The following PCDHGB1 variants were observed in gnomAD, a reference collection of about 807,000 sequenced individuals.
PCDHGB1 encodes protocadherin gamma-B1.
Under a neutral mutation model 56.6 loss-of-function variants are expected in PCDHGB1, and 34 were observed. The observed-to-expected ratio is 0.60, with a 90% confidence interval of 0.46 to 0.80. The LOEUF (loss-of-function observed/expected upper bound fraction) is 0.80, where lower values mean the gene tolerates loss of function less well. Ranked by LOEUF, PCDHGB1 falls within the 30% of genes least tolerant of loss-of-function variation. The probability of loss-of-function intolerance (pLI) is 0.00; values close to 1 mark genes in which losing one functional copy is unlikely to be tolerated. For synonymous variants in PCDHGB1, 561 were observed against 505.9 expected (o/e 1.11, Z -1.46); for missense variants, 1,278 against 1,204.6 (o/e 1.06, Z -0.90).
intron 1 of PCDHGB1, chr5:141,416,166 T>C (rs2096001393): frequency 6.5e-6 from 1 of 152,744 alleles, no homozygotes; most frequent in Admixed American, 6.5e-5. Flanking sequence ...CAGTTGAATA[T>C]ACTAAGTTTT....
In PCDHGB1 at chr5:141,477,670, A is replaced by G; in HGVS notation, c.2410-17137A>G. 1 of 1,614,198 alleles carries G rather than the reference A, an allele frequency of 6.2e-7. No individual in the cohort carries two copies. The highest frequency in any genetic ancestry group is 1.7e-5 in the Admixed American group (1 of 60,028). ...TCACAATAAATCGTGACAATGGCAT[A>G]GTGTCATCCTTAGTGCCCCTAGACT... On this transcript the variant is annotated intron_variant, in intron 1 of 3. Coordinates refer to ENST00000523390, the MANE Select transcript of PCDHGB1 (RefSeq NM_018922.3). This position sits in a 1 kb window ranked among gnomAD's most constrained non-coding sequence, Gnocchi z 4.9.
In PCDHGB1 at chr5:141,486,440, A is replaced by G; in HGVS notation, c.2410-8367A>G. 6.2e-7 allele frequency: 1 copy of G among 1,614,114 alleles called. No individual in the cohort carries two copies. The highest frequency in any genetic ancestry group is 8.5e-7 in the Non-Finnish European group (1 of 1,179,936). On this transcript the variant is annotated intron_variant, in intron 1 of 3. Coordinates refer to ENST00000523390, the MANE Select transcript of PCDHGB1 (RefSeq NM_018922.3). This position sits in a 1 kb window ranked among gnomAD's most constrained non-coding sequence, Gnocchi z 5.0. ...TCGAGAGGCCAAATCTAGCTATGACATCATGGTCACTGCTTCTGATGCTGG... is the reference window on the plus strand; with the variant it reads ...TCGAGAGGCCAAATCTAGCTATGACGTCATGGTCACTGCTTCTGATGCTGG...
rs115340023 is a variant in PCDHGB1 at position 141,387,818 on chromosome 5, G to T, written c.2409+35149G>T. 2,906 of 1,551,554 alleles carry T rather than the reference G, an allele frequency of 1.9e-3. 45 individuals carry two copies. The African/African-American group carries it at 0.028, about 15-fold the overall frequency. ...AGTCCGTTCGGAGATCCAAAAATCT[G>T]CAATACAGAGGTTATTTGTAACCCG... On this transcript the variant is annotated intron_variant, in intron 1 of 3. Transcript: ENST00000523390.
chr5:141,491,549 A>T lies in PCDHGB1; in HGVS notation c.2410-3258A>T, dbSNP rs748281587. 18 of 1,613,860 alleles carry T rather than the reference A, an allele frequency of 1.1e-5. No homozygotes were observed. In the East Asian group the frequency reaches 3.8e-4, roughly 34 times the overall value. On this transcript the variant is annotated intron_variant, in intron 1 of 3. Coordinates refer to ENST00000523390, the MANE Select transcript of PCDHGB1 (RefSeq NM_018922.3). This position sits in a 1 kb window ranked among gnomAD's most constrained non-coding sequence, Gnocchi z 6.9. Reference sequence around the variant, plus strand: ...GTGACGCTGCGGCCCACAGACTCGCAGAGCCACTGCTACAGGACGTGCTTT... The same window carrying T: ...GTGACGCTGCGGCCCACAGACTCGCTGAGCCACTGCTACAGGACGTGCTTT...
At chr5:141,458,064 C>G (rs886724551) in intron 1 of PCDHGB1, among the ~76,000 whole-genome samples, 1 of 152,104 alleles carries the variant, frequency 6.6e-6, no homozygotes, top group Admixed American at 6.6e-5. Flanking sequence ...TGCACTGATG[C>G]GAACAACTAT....
chr5:141,428,361 C>G, intron 1 of PCDHGB1: 2 of 556,764 alleles, frequency 3.6e-6, no homozygotes, highest in Non-Finnish European at 6.6e-6. Context: ...TTTTGGCGGT[C>G]GCCTTGCACC....
Position 141,476,819 on chromosome 5 carries a change from C to T in PCDHGB1, c.2410-17988C>T. ...CAGCCTGCCTATTCACATCAAGGTGCTGGACGCGAATGACAATGCGCCTGT... is the reference window on the plus strand; with the variant it reads ...CAGCCTGCCTATTCACATCAAGGTGTTGGACGCGAATGACAATGCGCCTGT... On this transcript the variant is annotated intron_variant, in intron 1 of 3. Coordinates refer to ENST00000523390, the MANE Select transcript of PCDHGB1 (RefSeq NM_018922.3). The surrounding 1 kb of genome is among the most constrained non-coding windows in gnomAD (Gnocchi z 7.6). 6.2e-7 allele frequency: 1 copy of T among 1,613,524 alleles called. No homozygotes were observed. The highest frequency in any genetic ancestry group is 8.5e-7 in the Non-Finnish European group (1 of 1,180,036).
intron 1 of PCDHGB1, chr5:141,364,349 G>T (rs758855393): frequency 6.5e-6 from 10 of 1,549,456 alleles, no homozygotes; most frequent in Middle Eastern, 1.7e-4. Context: ...TCCACCTAGG[G>T]GCTGGGGCTG....
rs200964276 is a variant in PCDHGB1 at position 141,371,678 on chromosome 5, C to G, written c.2409+19009C>G. The G allele has an allele frequency of 1.6e-3, 2,661 of 1,614,038 alleles. 3 individuals carry two copies. Among genetic ancestry groups the G allele is most frequent in the Non-Finnish European group, 2.1e-3 (2,441 of 1,179,894 alleles). On this transcript the variant is annotated intron_variant, in intron 1 of 3. Coordinates refer to ENST00000523390, the MANE Select transcript of PCDHGB1 (RefSeq NM_018922.3). ...TGACGATCACAGCTACCGACAAAGG[C>G]AATCCACCGCTCTCCTCCAGCAAGA...
chr5:141,370,473 C>T (rs1248894639), intron 1 of PCDHGB1: 2 of 1,613,496 alleles, frequency 1.2e-6, no homozygotes, highest in Non-Finnish European at 1.7e-6. Flanking sequence ...TTTGTTAGAC[C>T]AGGCTCTCTC....
chr5:141,430,509 G>T, intron 1 of PCDHGB1: 1 of 328,564 alleles, frequency 3.0e-6, no homozygotes. Flanking sequence ...GGGAGTTCAA[G>T]ATTGTGCAGT....
intron 1 of PCDHGB1, chr5:141,398,054 A>C: frequency 1.3e-6 from 2 of 1,519,030 alleles, no homozygotes; most frequent in Non-Finnish European, 1.8e-6. Context: ...CGGAGATCCA[A>C]AAATCTACAA....
At chr5:141,361,098 A>G (rs1345076438) in intron 1 of PCDHGB1, 1 of 1,614,016 alleles carries the variant, frequency 6.2e-7, no homozygotes, top group East Asian at 2.2e-5. Context: ...GTATCGAAGC[A>G]AAAGATCCTG....
intron 1 of PCDHGB1, chr5:141,394,509 G>A (rs367855808): frequency 6.2e-7 from 1 of 1,614,146 alleles, no homozygotes; most frequent in Non-Finnish European, 8.5e-7. Context: ...CCTGTACCCC[G>A]CCCTCCCCAC....
chr5:141,372,404 G>C (rs761162819), intron 1 of PCDHGB1: 4 of 1,613,930 alleles, frequency 2.5e-6, no homozygotes, highest in Admixed American at 3.3e-5. Flanking sequence ...GCTTGCAAGA[G>C]ATACAACCTG....
chr5:141,403,713 A>C (rs2094445702), intron 1 of PCDHGB1: 3 of 1,613,946 alleles, frequency 1.9e-6, no homozygotes, highest in Non-Finnish European at 2.5e-6. Flanking sequence ...GTCCTTGAGA[A>C]CGTGCCCCCA....
At position 141,485,240 on chromosome 5, in the gene PCDHGB1, C is replaced by G; in HGVS notation, c.2410-9567C>G. On this transcript the variant is annotated intron_variant, in intron 1 of 3. Coordinates refer to ENST00000523390, the MANE Select transcript of PCDHGB1 (RefSeq NM_018922.3). This position sits in a 1 kb window ranked among gnomAD's most constrained non-coding sequence, Gnocchi z 5.7. The stretch of plus-strand genomic sequence containing the variant: ...GGCTACCCTTTTGTTCCTCTTTTAC[C>G]ACCTGGGTTACGTTTGTGGGCAGAT... The G allele has an allele frequency of 6.2e-7, 1 of 1,614,174 alleles. No individual in the cohort carries two copies. The highest frequency in any genetic ancestry group is 8.5e-7 in the Non-Finnish European group (1 of 1,180,024).
rs374191427 is a variant in PCDHGB1 at position 141,419,804 on chromosome 5, G to A, written c.2409+67135G>A. ...GCGCCTGCTAGTCGCTGTAAGAGAT[G>A]GAGGACAGCCACCCCTTTCAGCCAC... On this transcript the variant is annotated intron_variant, in intron 1 of 3. Coordinates refer to ENST00000523390, the MANE Select transcript of PCDHGB1 (RefSeq NM_018922.3). The A allele has an allele frequency of 2.8e-5, 45 of 1,613,946 alleles. No homozygotes were observed. The highest frequency in any genetic ancestry group is 1.6e-4 in the Middle Eastern group (1 of 6,082).
At chr5:141,383,781 G>A (rs1435690676) in intron 1 of PCDHGB1, 13 of 1,613,850 alleles carry the variant, frequency 8.1e-6, no homozygotes, top group Non-Finnish European at 1.1e-5. Context: ...TGTTTCATCT[G>A]AACTCGCTTA....
Sources: allele counts gnomAD v4.1 joint callset (sites outside exome capture counted in the v4.1 genomes callset), GRCh38; gene constraint gnomAD v4.1.1; non-coding constraint Gnocchi (gnomAD v3.1); transcripts MANE v1.5; gene names NCBI Gene and HGNC (gene_info 2026-07-23, HGNC 2026-07-21).